The following MEI1 variants were observed in gnomAD, a reference collection of about 807,000 sequenced individuals.
The protein encoded by MEI1 is meiotic double-stranded break formation protein 1.
A neutral mutation model predicts 146.2 loss-of-function variants in MEI1; 103 were observed. The ratio of observed to expected loss-of-function variants is 0.70; its 90% CI spans 0.60 to 0.83. MEI1 has a LOEUF of 0.83. Among genes scored for constraint, MEI1 ranks in the 40% least tolerant of loss-of-function variants. The pLI is 0.00. For synonymous variants in MEI1, 652 were observed against 628.2 expected (o/e 1.04, Z -0.57); for missense variants, 1,529 against 1,533.0 (o/e 1.00, Z 0.04).
intron 25 of MEI1, 39 bp downstream of exon 25, chr22:41,784,459 T>A: frequency 1.2e-6 from 2 of 1,607,838 alleles, no homozygotes; most frequent in Non-Finnish European, 1.7e-6. Context: ...AAAAGCTTTT[T>A]CCCTAGGTTT....
At chr22:41,781,469 T>G in intron 23 of MEI1, 75 bp downstream of exon 23, 1 of 1,321,286 alleles carries the variant, frequency 7.6e-7, no homozygotes, top group Non-Finnish European at 1.1e-6. Context: ...TTTTTCATCT[T>G]AAAAAAACAA....
At position 41,781,794 on chromosome 22, in the gene MEI1, C is replaced by T. The variant is rs556675384; in HGVS notation, c.3036C>T (p.Ala1012=). ...CCAGGACTGCACTCCTCTGCTCTGCCTGGCTGCTCACTGCCTCCTTCTCTG... is the reference window on the plus strand; with the variant it reads ...CCAGGACTGCACTCCTCTGCTCTGCTTGGCTGCTCACTGCCTCCTTCTCTG... ...DSPRTALLCS[A]WLLTASFSAQ... Residue 1012 remains alanine, a synonymous_variant, in exon 24 of 31, where the codon GCC becomes GCT. Transcript: ENST00000401548. The T allele has an allele frequency of 6.2e-7, 1 of 1,613,986 alleles. No individual in the cohort carries two copies. Among genetic ancestry groups the T allele is most frequent in the African/African-American group, 1.3e-5 (1 of 75,058 alleles).
At position 41,799,409 on chromosome 22, in the gene MEI1, A is replaced by G; in HGVS notation, c.*110A>G. ...TGAAGCTATTCATATGGAGCCATAT[A>G]CTCTATTGTTGAAATAGAATAAGGA... On this transcript the variant is annotated 3_prime_UTR_variant, in exon 31 of 31. Coordinates refer to ENST00000401548, the MANE Select transcript of MEI1 (RefSeq NM_152513.4). 1 of 1,003,322 alleles carries G rather than the reference A, an allele frequency of 1.0e-6. No individual in the cohort carries two copies. The highest frequency in any genetic ancestry group is 2.5e-5 in the East Asian group (1 of 39,418). 62.2% of individuals were successfully genotyped at this position (1,003,322 alleles called of 1,614,324 possible).
intron 26 of MEI1, among the ~76,000 whole-genome samples, chr22:41,787,201 C>G (rs1400445929): frequency 6.6e-6 from 1 of 152,118 alleles, no homozygotes; most frequent in Non-Finnish European, 1.5e-5. Flanking sequence ...ATTTAGAATG[C>G]AGGAATCAGA....
intron 1 of MEI1, among the ~76,000 whole-genome samples, chr22:41,700,910 C>T (rs893198085): frequency 8.7e-5 from 13 of 149,746 alleles, no homozygotes; most frequent in African/African-American, 2.5e-4. Context: ...TGCCTGGCTG[C>T]GTTCTCAAAT....
intron 18 of MEI1, among the ~76,000 whole-genome samples, chr22:41,761,578 T>C (rs775389290): frequency 6.6e-6 from 1 of 151,964 alleles, no homozygotes; most frequent in Non-Finnish European, 1.5e-5. Flanking sequence ...CCTCCCAAAG[T>C]GCTGGGATTA....
intron 26 of MEI1, among the ~76,000 whole-genome samples, chr22:41,787,293 T>C (rs1351353106): frequency 6.6e-6 from 1 of 152,304 alleles, no homozygotes; most frequent in South Asian, 2.1e-4. Flanking sequence ...ATGGGCTTTT[T>C]TTTTCCTGCA....
intron 6 of MEI1, among the ~76,000 whole-genome samples, chr22:41,719,191 A>C (rs1312746781): frequency 2.6e-5 from 4 of 151,670 alleles, no homozygotes; most frequent in Admixed American, 6.6e-5. Context: ...ACCGTGTTAG[A>C]CAGGATGGTC....
In MEI1 at chr22:41,794,524, G is replaced by C. The variant is rs779341785; in HGVS notation, c.3534+47G>C. ...TGTGGTCTGAGGAGTGTCATGAGCT[G>C]GGTGGTGCTGAAGAGGCCAGGGTCT... is the stretch of plus-strand genomic sequence containing the variant. On this transcript the variant is annotated intron_variant, in intron 28 of 30. Coordinates refer to ENST00000401548, the MANE Select transcript of MEI1 (RefSeq NM_152513.4). The C allele has an allele frequency of 6.6e-6, 10 of 1,525,014 alleles. No individual in the cohort carries two copies. In the South Asian group the frequency reaches 6.7e-5, roughly 10 times the overall value. The allele number at this position is 1,525,014 out of a possible 1,614,324, so 94.5% of individuals were successfully genotyped here.
chr22:41,781,016 A>G (rs2075733209), intron 22 of MEI1, among the ~76,000 whole-genome samples: 2 of 152,190 alleles, frequency 1.3e-5, no homozygotes, highest in South Asian at 4.1e-4. Flanking sequence ...GGTGGTGACG[A>G]TGTTCACAGG....
At chr22:41,773,421 G>A (rs963400384) in intron 20 of MEI1, among the ~76,000 whole-genome samples, 1 of 152,090 alleles carries the variant, frequency 6.6e-6, no homozygotes, top group Non-Finnish European at 1.5e-5. Context: ...ATCATTGACT[G>A]CCTCTGAACC....
At chr22:41,747,801 A>G (rs1055428961) in intron 14 of MEI1, among the ~76,000 whole-genome samples, 4 of 151,476 alleles carry the variant, frequency 2.6e-5, no homozygotes, top group African/African-American at 9.7e-5. Flanking sequence ...TAATAGAAAC[A>G]TGAGAGTCAC....
chr22:41,793,065 A>C (rs1352218681), intron 26 of MEI1, among the ~76,000 whole-genome samples: 1 of 59,510 alleles, frequency 1.7e-5, no homozygotes, highest in African/African-American at 4.9e-5. Context: ...TTTTTTTTTC[A>C]GATAGAGTCT....
Position 41,721,719 on chromosome 22 carries a change from CT to C in MEI1, c.734-2204del, listed in dbSNP as rs58572782. 1.2e-3 allele frequency among the ~76,000 whole-genome samples: 127 copies of C among 102,224 alleles called. No homozygotes were observed. The Middle Eastern group carries it at 0.02, about 16-fold the overall frequency. 67.1% of individuals were successfully genotyped at this position (102,224 alleles called of 152,430 possible). On this transcript the variant is annotated intron_variant, in intron 6 of 30. Coordinates refer to ENST00000401548, the MANE Select transcript of MEI1 (RefSeq NM_152513.4). ...GAATTCCCGTTTTTAAATGCTACCC[CT>C]TTTTTTTTTTTTTTTTTTTGAGATG...
intron 15 of MEI1, among the ~76,000 whole-genome samples, chr22:41,749,912 G>A (rs1317083694): frequency 1.3e-5 from 2 of 152,156 alleles, no homozygotes; most frequent in African/African-American, 4.8e-5. Context: ...GGTCAGTAGA[G>A]GGTATGGTCA....
chr22:41,796,234 C>G (rs1305397697), intron 30 of MEI1, among the ~76,000 whole-genome samples: 2 of 152,094 alleles, frequency 1.3e-5, no homozygotes, highest in Non-Finnish European at 2.9e-5. Flanking sequence ...GTCGCCCAGG[C>G]TGGAGTGCAG....
At position 41,770,741 on chromosome 22, in the gene MEI1, T is replaced by A. The variant is rs1216292677; in HGVS notation, c.2324T>A (p.Val775Asp). Reference sequence around the variant, plus strand: ...GAAGGCATCCCAGACCTGCAGCTAGTCTATACTCACCATCCGCTCCTGCTC... The same window carrying A: ...GAAGGCATCCCAGACCTGCAGCTAGACTATACTCACCATCCGCTCCTGCTC... ...FLEGIPDLQL[V>D]YTHHPLLLRF... The change falls in exon 20 of 31, where the codon GTC becomes GAC. Residue 775 changes from valine to aspartate, a missense_variant. Around this residue, in one of 3 missense-constraint regions of MEI1, gnomAD observed 1,212 missense variants for 1,178.9 expected, o/e 1.03. Coordinates refer to ENST00000401548, the MANE Select transcript of MEI1 (RefSeq NM_152513.4). 6.2e-7 allele frequency: 1 copy of A among 1,613,922 alleles called. No individual in the cohort carries two copies.
At position 41,799,366 on chromosome 22, in the gene MEI1, G is replaced by A. The variant is rs2076495084; in HGVS notation, c.*67G>A. On this transcript the variant is annotated 3_prime_UTR_variant, in exon 31 of 31. Transcript: ENST00000401548. ...CCTGGAGACAAAGGGCATAATTGTTGGGGAAATGGATGACAGCTGAAGCTA... is the reference window on the plus strand; with the variant it reads ...CCTGGAGACAAAGGGCATAATTGTTAGGGAAATGGATGACAGCTGAAGCTA... The A allele has an allele frequency of 1.3e-6, 2 of 1,482,770 alleles. No homozygotes were observed. The highest frequency in any genetic ancestry group is 3.4e-5 in the Admixed American group (2 of 58,978). 91.9% of individuals were successfully genotyped at this position (1,482,770 alleles called of 1,614,324 possible). A position where few individuals can be genotyped will look rare whatever the true frequency, so the allele number is the denominator to read the frequency against.
Position 41,699,662 on chromosome 22 carries a change from C to T in MEI1, c.124C>T (p.Arg42Cys), listed in dbSNP as rs1390840836. Residue 42 changes from arginine to cysteine, a missense_variant, in exon 1 of 31, where the codon CGC (arginine) becomes TGC (cysteine). By Grantham distance (180) the Arg-to-Cys change is radical (BLOSUM62 -3). This residue lies in a region of MEI1 where 1,212 missense variants were observed against 1,178.9 expected (regional missense o/e 1.03). Transcript: ENST00000401548. ...GCGCTGGCTGCTGCCCGTGACCCCC[C>T]GCCTGTGCCTGGCCTGCGCGCTGGA... is the stretch of plus-strand genomic sequence containing the variant. The part of the protein sequence containing the change: ...DPRWLLPVTP[R>C]LCLACALELL... The T allele has an allele frequency of 1.3e-6, 2 of 1,591,840 alleles. No homozygotes were observed. Among genetic ancestry groups the T allele is most frequent in the Non-Finnish European group, 1.7e-6 (2 of 1,169,502 alleles).
Sources: allele counts gnomAD v4.1 joint callset (sites outside exome capture counted in the v4.1 genomes callset), GRCh38; gene constraint gnomAD v4.1.1; regional missense constraint gnomAD v4.1.1; transcripts MANE v1.5; gene names NCBI Gene and HGNC (gene_info 2026-07-23, HGNC 2026-07-21).